Variants in AGBL1 observed in about 807,000 individuals in gnomAD.
AGBL1 encodes AGBL carboxypeptidase 1, also known as cytosolic carboxypeptidase 4.
Under a neutral mutation model 118.9 loss-of-function variants are expected in AGBL1, and 130 were observed. The observed-to-expected ratio is 1.09, with a 90% CI of 0.95 to 1.26. AGBL1 has a LOEUF of 1.26. Ranked by LOEUF, AGBL1 falls within the 50% of genes most tolerant of loss-of-function variation. The probability of loss-of-function intolerance (pLI) is 0.00; values close to 1 mark genes in which losing one functional copy is unlikely to be tolerated. For synonymous variants in AGBL1, 555 were observed against 478.9 expected (o/e 1.16, Z -2.08); for missense variants, 1,584 against 1,298.1 (o/e 1.22, Z -3.38).
chr15:86,341,803 C>A (rs1324997905), intron 17 of AGBL1, among the ~76,000 whole-genome samples: 1 of 152,092 alleles, frequency 6.6e-6, no homozygotes, highest in Admixed American at 6.5e-5. Context: ...TTCCTTGTTA[C>A]TTGTGAGTAG....
At chr15:86,825,562 G>A (rs2078997363) in intron 22 of AGBL1, among the ~76,000 whole-genome samples, 1 of 150,976 alleles carries the variant, frequency 6.6e-6, no homozygotes, top group African/African-American at 2.4e-5. Flanking sequence ...TTTAGCAAAG[G>A]AAGTATACAG....
chr15:86,279,648 T>C lies in AGBL1; in HGVS notation c.2085T>C (p.Tyr695=), dbSNP rs2079315731. The C allele has an allele frequency of 6.2e-7, 1 of 1,613,436 alleles. No homozygotes were observed. Among genetic ancestry groups the C allele is most frequent in the East Asian group, 2.2e-5 (1 of 44,870 alleles). ...CCTCCTCTCTCTTTAGAAATCATTA[T>C]CGCCAGAGTACAGCTGTTGCAGGCG... The part of the protein sequence containing the change: ...GHEICYYKNH[Y]RQSTAVAGGA... The change falls in exon 16 of 23, where the codon TAT becomes TAC. Residue 695 remains tyrosine, a synonymous_variant. Coordinates refer to ENST00000614907, the MANE Select transcript of AGBL1 (RefSeq NM_001386094.1).
At chr15:86,990,457 T>C (rs2081327259) in intron 24 of AGBL1, among the ~76,000 whole-genome samples, 1 of 151,734 alleles carries the variant, frequency 6.6e-6, no homozygotes, top group Non-Finnish European at 1.5e-5. Context: ...GAGTTTGCAG[T>C]GAGCCAAGAT....
intron 18 of AGBL1, among the ~76,000 whole-genome samples, chr15:86,470,519 A>C (rs908102806): frequency 2.0e-5 from 3 of 152,124 alleles, no homozygotes; most frequent in African/African-American, 7.2e-5. Context: ...TTGACCAGTC[A>C]GTGTCTTTTG....
chr15:86,452,205 T>A (rs541076619), intron 18 of AGBL1, among the ~76,000 whole-genome samples: 2 of 152,332 alleles, frequency 1.3e-5, no homozygotes, highest in South Asian at 4.1e-4. Context: ...TTTGTGTGTC[T>A]ATCATGTTGA....
intron 22 of AGBL1, among the ~76,000 whole-genome samples, chr15:86,679,024 C>A (rs1373839982): frequency 6.6e-6 from 1 of 152,008 alleles, no homozygotes; most frequent in African/African-American, 2.4e-5. Flanking sequence ...CAAACACCAC[C>A]TCATTAGTAT....
At chr15:86,378,110 A>G in intron 17 of AGBL1, among the ~76,000 whole-genome samples, 1 of 152,234 alleles carries the variant, frequency 6.6e-6, no homozygotes, top group Admixed American at 6.5e-5. Flanking sequence ...CACAGTGTGT[A>G]CATATGTATG....
intron 21 of AGBL1, among the ~76,000 whole-genome samples, chr15:86,557,959 G>A (rs547684044): frequency 1.3e-5 from 2 of 152,102 alleles, no homozygotes; most frequent in African/African-American, 4.8e-5. Flanking sequence ...ATTAAGAGTC[G>A]TTGCAATGGG....
At chr15:86,233,371 T>C (rs556474590) in intron 6 of AGBL1, among the ~76,000 whole-genome samples, 2 of 148,338 alleles carry the variant, frequency 1.3e-5, no homozygotes, top group East Asian at 3.9e-4. Flanking sequence ...AATTCTTTAG[T>C]AGCAAAACCT....
chr15:86,807,492 TG>T (rs1567183158), intron 22 of AGBL1, among the ~76,000 whole-genome samples: 3 of 152,084 alleles, frequency 2.0e-5, no homozygotes, highest in African/African-American at 7.2e-5. Context: ...TTTTTTTTTT[TG>T]CTGTCATTGT....
chr15:86,701,279 A>C (rs144691764), intron 22 of AGBL1, among the ~76,000 whole-genome samples: 3 of 152,066 alleles, frequency 2.0e-5, no homozygotes, highest in East Asian at 3.9e-4. Flanking sequence ...GCTTTTAGAG[A>C]GTGGTGTGTG....
In AGBL1 at chr15:86,526,544, G is replaced by GTGTATATA. The variant is rs754816154; in HGVS notation, c.2685+3606_2685+3607insGTATATAT. ...TGCACACAGATATGTTTGTGTCTGT[G>GTGTATATA]TATATATATATATATATATATATAT... On this transcript the variant is annotated intron_variant, in intron 19 of 22. Transcript: ENST00000614907. 1.7e-3 allele frequency among the ~76,000 whole-genome samples: 199 copies of GTGTATATA among 119,424 alleles called. 1 individual carries two copies. Among genetic ancestry groups the GTGTATATA allele is most frequent in the African/African-American group, 6.3e-3 (191 of 30,458 alleles). 78.3% of individuals were successfully genotyped at this position (119,424 alleles called of 152,430 possible). A position where few individuals can be genotyped will look rare whatever the true frequency, so the allele number is the denominator to read the frequency against.
chr15:86,992,301 C>T (rs2081342759), intron 24 of AGBL1, among the ~76,000 whole-genome samples: 1 of 152,112 alleles, frequency 6.6e-6, no homozygotes. Context: ...CCCACCCGGC[C>T]TCGGCTCCAA....
At chr15:86,191,348 C>CAAAAAAAAAAAAAAAAAA (rs869108108) in intron 5 of AGBL1, among the ~76,000 whole-genome samples, 9 of 65,118 alleles carry the variant, frequency 1.4e-4, no homozygotes, top group Non-Finnish European at 1.5e-4. Flanking sequence ...AACTTTGTCT[C>CAAAAAAAAAAAAAAAAAA]AAAAAAAAAA....
intron 18 of AGBL1, among the ~76,000 whole-genome samples, chr15:86,494,972 G>A (rs941144521): frequency 1.3e-5 from 2 of 150,594 alleles, no homozygotes; most frequent in African/African-American, 4.9e-5. Context: ...ATAACATATT[G>A]TAGATAAAGA....
intron 18 of AGBL1, among the ~76,000 whole-genome samples, chr15:86,457,493 C>T (rs926250123): frequency 6.6e-6 from 1 of 151,952 alleles, no homozygotes; most frequent in Non-Finnish European, 1.5e-5. Flanking sequence ...TAAGAGTGAT[C>T]GTAATAAAGT....
chr15:86,919,018 T>G (rs2080458045), downstream of AGBL1, among the ~76,000 whole-genome samples: 1 of 152,198 alleles, frequency 6.6e-6, no homozygotes, highest in African/African-American at 2.4e-5. Context: ...AGAGTACTAC[T>G]TTGAAGGCTG....
At chr15:86,596,704 A>G (rs899902874) in intron 21 of AGBL1, among the ~76,000 whole-genome samples, 11 of 152,084 alleles carry the variant, frequency 7.2e-5, no homozygotes, top group Admixed American at 1.3e-4. Flanking sequence ...AAAAACCATA[A>G]ATATCTTACC....
At chr15:86,822,843 A>G (rs1386589510) in intron 22 of AGBL1, among the ~76,000 whole-genome samples, 1 of 151,844 alleles carries the variant, frequency 6.6e-6, no homozygotes, top group Non-Finnish European at 1.5e-5. Context: ...ACTGAAGAGC[A>G]GGATTTACAG....
Sources: gnomAD v4.1 joint callset for allele counts (sites outside exome capture counted in the v4.1 genomes callset) on GRCh38, gnomAD v4.1.1 for gene constraint, MANE v1.5 for transcripts, NCBI Gene and HGNC (gene_info 2026-07-23, HGNC 2026-07-21) for gene names.